Variants in PAX3 observed in about 807,000 individuals in gnomAD.
PAX3 encodes paired box 3, also known as paired box protein Pax-3.
In PAX3, 14 loss-of-function variants were observed where a neutral mutation model predicts 51.6. The observed-to-expected ratio is 0.27, with a 90% CI of 0.18 to 0.42. The LOEUF is 0.42. Among genes scored for constraint, PAX3 ranks in the 10% least tolerant of loss-of-function variants. The pLI is 1.00. For missense variants in PAX3, 540 were observed against 642.8 expected, an observed-to-expected ratio of 0.84 and a Z score of 1.73; for synonymous variants, 280 against 253.4, an observed-to-expected ratio of 1.11 and a Z score of -1.00.
chr2:222,264,625 A>G (rs1485276248), intron 4 of PAX3: 1 of 152,240 alleles, frequency 6.6e-6, no homozygotes, highest in Non-Finnish European at 1.5e-5. Context: ...TAAAATCATA[A>G]AAAGAAAGAA....
At chr2:222,217,487 T>C (rs1692010198) in intron 7 of PAX3, among the ~76,000 whole-genome samples, 1 of 152,078 alleles carries the variant, frequency 6.6e-6, no homozygotes, top group Non-Finnish European at 1.5e-5. Context: ...CTATCAATCC[T>C]TTGGCTGGCA....
chr2:222,223,669 G>C (rs1341596641), intron 5 of PAX3, among the ~76,000 whole-genome samples: 3 of 152,166 alleles, frequency 2.0e-5, no homozygotes, highest in Admixed American at 1.3e-4. Context: ...AGATCAGGTA[G>C]TCCTCTGCAA....
intron 4 of PAX3, among the ~76,000 whole-genome samples, chr2:222,269,219 C>A (rs1452329943): frequency 6.6e-6 from 1 of 152,214 alleles, no homozygotes; most frequent in East Asian, 1.9e-4. Flanking sequence ...TTCTCTTTGA[C>A]CTTCTCCTGC....
chr2:222,262,776 G>C (rs1248923731), intron 4 of PAX3: 2 of 152,054 alleles, frequency 1.3e-5, no homozygotes, highest in Non-Finnish European at 2.9e-5. Context: ...TATAAGGAAA[G>C]ACACAGATAT....
intron 4 of PAX3, among the ~76,000 whole-genome samples, chr2:222,288,630 A>G (rs1038804229): frequency 3.3e-5 from 5 of 152,246 alleles, no homozygotes; most frequent in African/African-American, 1.2e-4. Context: ...ACAGGCAGAT[A>G]GTAGCTGCCA....
At chr2:222,234,708 A>T (rs562712015) in intron 4 of PAX3, among the ~76,000 whole-genome samples, 1 of 152,218 alleles carries the variant, frequency 6.6e-6, no homozygotes, top group Non-Finnish European at 1.5e-5. Context: ...CCACCTCTAT[A>T]GAATATTCTA....
At chr2:222,268,273 A>G (rs547695741) in intron 4 of PAX3, among the ~76,000 whole-genome samples, 60 of 152,290 alleles carry the variant, frequency 3.9e-4, no homozygotes, top group Non-Finnish European at 6.0e-4. Flanking sequence ...TCCCTTACCC[A>G]TACACCCTTG....
intron 7 of PAX3, among the ~76,000 whole-genome samples, chr2:222,208,003 GTA>G (rs71408506): frequency 0.3 from 44,373 of 147,684 alleles, 8,196 homozygotes; most frequent in Non-Finnish European, 0.42. Flanking sequence ...ATATGTGTGT[GTA>G]TATATATATA....
intron 4 of PAX3, among the ~76,000 whole-genome samples, chr2:222,269,340 G>C (rs1051203692): frequency 3.3e-5 from 5 of 152,160 alleles, no homozygotes; most frequent in African/African-American, 1.2e-4. Flanking sequence ...TTACTTCAAA[G>C]ATGGCCCGCA....
chr2:222,268,147 T>A (rs1694116843), intron 4 of PAX3, among the ~76,000 whole-genome samples: 1 of 152,240 alleles, frequency 6.6e-6, no homozygotes, highest in Non-Finnish European at 1.5e-5. Flanking sequence ...GCAGCCCATA[T>A]TGCAAATAAT....
intron 1 of PAX3, 30 bp from the exon 2 acceptor site, chr2:222,297,243 GA>G: frequency 2.0e-6 from 3 of 1,485,158 alleles, no homozygotes; most frequent in African/African-American, 1.4e-5. Context: ...AGAAGCAAGG[GA>G]AAAGTCACTG....
chr2:222,239,611 T>G (rs1281212881), intron 4 of PAX3, among the ~76,000 whole-genome samples: 1 of 152,146 alleles, frequency 6.6e-6, no homozygotes, highest in East Asian at 1.9e-4. Context: ...TACATTGAAC[T>G]TTCCGGAATT....
intron 4 of PAX3, among the ~76,000 whole-genome samples, chr2:222,243,783 C>T: frequency 6.6e-6 from 1 of 152,134 alleles, no homozygotes; most frequent in Non-Finnish European, 1.5e-5. Context: ...TTTTGAAAAT[C>T]CAAATCTTAT....
chr2:222,279,547 G>A (rs1236781973), intron 4 of PAX3, among the ~76,000 whole-genome samples: 1 of 152,336 alleles, frequency 6.6e-6, no homozygotes, highest in South Asian at 2.1e-4. Context: ...CCTGTGAAAA[G>A]CCTACACTTG....
At chr2:222,203,692 A>G (rs1180659751) in intron 7 of PAX3, among the ~76,000 whole-genome samples, 1 of 152,098 alleles carries the variant, frequency 6.6e-6, no homozygotes, top group Non-Finnish European at 1.5e-5. Flanking sequence ...CTCAACTCAG[A>G]TTCCAAAAAC....
chr2:222,245,905 C>G (rs1693211745), intron 4 of PAX3, among the ~76,000 whole-genome samples: 1 of 152,024 alleles, frequency 6.6e-6, no homozygotes, highest in South Asian at 2.1e-4. Flanking sequence ...CATTTGCACT[C>G]TGGAGGCAGA....
At chr2:222,209,390 T>C (rs1047972369) in intron 7 of PAX3, among the ~76,000 whole-genome samples, 1 of 152,104 alleles carries the variant, frequency 6.6e-6, no homozygotes, top group Non-Finnish European at 1.5e-5. Context: ...AAAGACCTGG[T>C]GATACTGATT....
Position 222,277,741 on chromosome 2 carries a change from C to G in PAX3, c.586+16426G>C, listed in dbSNP as rs1374169143. 2.0e-5 allele frequency among the ~76,000 whole-genome samples: 3 copies of G among 152,100 alleles called. No homozygotes were observed. In the East Asian group the frequency reaches 5.8e-4, roughly 29 times the overall value. ...ACGAGGTCAAGAGACCGAGACCAGCCTGGCCAACATGGTGAAACCCCGTCT... is the reference window on the plus strand; with the variant it reads ...ACGAGGTCAAGAGACCGAGACCAGCGTGGCCAACATGGTGAAACCCCGTCT... On this transcript the variant is annotated intron_variant, in intron 4 of 8. Coordinates refer to ENST00000392070, the MANE Select transcript of PAX3 (RefSeq NM_181458.4).
Position 222,247,353 on chromosome 2 carries a change from T to G in PAX3, c.587-15070A>C, listed in dbSNP as rs45467796. The stretch of plus-strand genomic sequence containing the variant: ...CCAGGTAACTAACAATGTAACTAAA[T>G]TGCAGGGAGAAAATTAGAAATAGTT... On this transcript the variant is annotated intron_variant, in intron 4 of 8. Transcript: ENST00000392070. Among the ~76,000 whole-genome samples, 1,008 of 152,200 alleles carry G rather than the reference T, an allele frequency of 6.6e-3. 7 individuals are homozygous for G. Among genetic ancestry groups the G allele is most frequent in the African/African-American group, 0.023 (949 of 41,550 alleles).
Sources: gnomAD v4.1 joint callset for allele counts (sites outside exome capture counted in the v4.1 genomes callset) on GRCh38, gnomAD v4.1.1 for gene constraint, MANE v1.5 for transcripts, NCBI Gene and HGNC (gene_info 2026-07-23, HGNC 2026-07-21) for gene names.